The following AXDND1 variants were observed in gnomAD, a reference collection of about 807,000 sequenced individuals.
AXDND1 encodes axonemal dynein light chain domain containing 1.
A neutral mutation model predicts 137.5 loss-of-function variants in AXDND1; 110 were observed. That is an observed-to-expected ratio of 0.80 (90% CI 0.69 to 0.94). The LOEUF is 0.94. Among genes scored for constraint, AXDND1 ranks in the 40% least tolerant of loss-of-function variants. The pLI is 0.00. For missense variants in AXDND1, 1,191 were observed against 1,169.8 expected (o/e 1.02, Z -0.26); for synonymous variants, 414 against 399.7 (o/e 1.04, Z -0.43).
chr1:179,420,721 C>G (rs970534442), intron 12 of AXDND1, among the ~76,000 whole-genome samples: 24 of 151,366 alleles, frequency 1.6e-4, no homozygotes, highest in African/African-American at 5.8e-4. Flanking sequence ...TTCCCAGGTT[C>G]AAGCAATTCT....
intron 17 of AXDND1, among the ~76,000 whole-genome samples, chr1:179,480,357 G>A (rs1055734084): frequency 2.6e-5 from 4 of 152,124 alleles, no homozygotes; most frequent in Admixed American, 2.0e-4. Context: ...AGTGAAAGGG[G>A]TTCCCCTTAT....
chr1:179,472,458 G>T (rs1413971511), intron 17 of AXDND1, among the ~76,000 whole-genome samples: 1 of 152,168 alleles, frequency 6.6e-6, no homozygotes, highest in African/African-American at 2.4e-5. Context: ...CACTTGAGAA[G>T]AATGTATATT....
chr1:179,389,869 T>C (rs1244938154), intron 9 of AXDND1, among the ~76,000 whole-genome samples: 2 of 152,198 alleles, frequency 1.3e-5, no homozygotes, highest in African/African-American at 2.4e-5. Context: ...ATGAGCTGCA[T>C]CTTGAGGTGA....
Position 179,393,909 on chromosome 1 carries a change from G to A in AXDND1, c.870G>A (p.Arg290=). The A allele has an allele frequency of 6.3e-7, 1 of 1,599,474 alleles. No individual in the cohort carries two copies. The highest frequency in any genetic ancestry group is 8.5e-7 in the Non-Finnish European group (1 of 1,175,196). ...RGELLSKVRE[R]YVQMLDQIAR... ...TTGGTTGTTTGTCATGCAGAGAGAGGTATGTGCAAATGCTTGACCAGATTG... is the reference window on the plus strand; with the variant it reads ...TTGGTTGTTTGTCATGCAGAGAGAGATATGTGCAAATGCTTGACCAGATTG... Residue 290 remains arginine (R), a synonymous_variant, in exon 10 of 26, where the codon AGG becomes AGA. Transcript: ENST00000367618.
intron 11 of AXDND1, among the ~76,000 whole-genome samples, chr1:179,403,071 C>T (rs1352388322): frequency 6.6e-6 from 1 of 152,162 alleles, no homozygotes; most frequent in Non-Finnish European, 1.5e-5. Context: ...GTCCCCAGAA[C>T]TTAATCACTA....
intron 15 of AXDND1, among the ~76,000 whole-genome samples, chr1:179,432,725 C>T (rs1338546918): frequency 6.6e-6 from 1 of 152,062 alleles, no homozygotes; most frequent in Non-Finnish European, 1.5e-5. Flanking sequence ...CATGCCCGAC[C>T]ACATCTCATT....
intron 12 of AXDND1, among the ~76,000 whole-genome samples, chr1:179,421,642 C>G (rs151023695): frequency 0.011 from 1,663 of 151,770 alleles, 24 homozygotes; most frequent in African/African-American, 0.036. Context: ...CCTCGGCCTG[C>G]AAAAGTTGGG....
chr1:179,531,096 G>T (rs1016418067), intron 23 of AXDND1, among the ~76,000 whole-genome samples: 1 of 152,102 alleles, frequency 6.6e-6, no homozygotes, highest in African/African-American at 2.4e-5. Context: ...TGCAATCATG[G>T]GGTATGGAAA....
intron 15 of AXDND1, among the ~76,000 whole-genome samples, chr1:179,441,882 G>A (rs957487377): frequency 5.3e-5 from 8 of 152,176 alleles, no homozygotes; most frequent in African/African-American, 1.7e-4. Context: ...TCAGATATGC[G>A]CTAGCAGACA....
chr1:179,553,214 T>C (rs1478921712), intron 25 of AXDND1, among the ~76,000 whole-genome samples: 1 of 152,210 alleles, frequency 6.6e-6, no homozygotes, highest in Non-Finnish European at 1.5e-5. Context: ...CCTCAAAAAG[T>C]TAAATACGGA....
rs1571882821 is a variant in AXDND1 at position 179,449,988 on chromosome 1, A to ATTCTTTTTT, written c.1798+4786_1798+4787insCTTTTTTTT. The ATTCTTTTTT allele has an allele frequency of 7.6e-4, 50 of 65,362 alleles. 10 individuals carry two copies. Among genetic ancestry groups the ATTCTTTTTT allele is most frequent in the Admixed American group, 8.0e-4 (4 of 4,976 alleles). 4.0% of individuals were successfully genotyped at this position (65,362 alleles called of 1,614,324 possible). On this transcript the variant is annotated intron_variant, in intron 16 of 25. Coordinates refer to ENST00000367618, the MANE Select transcript of AXDND1 (RefSeq NM_144696.6). Reference sequence around the variant, plus strand: ...TTTTACTAGTTTCTTGCCAATCTGGATTTTTTTTTTTTTTTTTTTTTTTTT... The same window carrying ATTCTTTTTT: ...TTTTACTAGTTTCTTGCCAATCTGGATTCTTTTTTTTTTTTTTTTTTTTTTTTTTTTTTT...
intron 11 of AXDND1, among the ~76,000 whole-genome samples, chr1:179,409,770 G>A (rs987212421): frequency 3.9e-5 from 6 of 152,122 alleles, no homozygotes; most frequent in African/African-American, 1.4e-4. Flanking sequence ...CCGAGATTGT[G>A]CCATTGCACT....
chr1:179,459,936 CT>C, intron 16 of AXDND1, among the ~76,000 whole-genome samples: 1 of 99,404 alleles, frequency 1.0e-5, no homozygotes, highest in Non-Finnish European at 1.9e-5. Context: ...TTCCTTCCTT[CT>C]CTCTCTCTTT....
Position 179,378,668 on chromosome 1 carries a change from G to A in AXDND1, c.406G>A (p.Ala136Thr), listed in dbSNP as rs1231138225. Residue 136 changes from alanine (A) to threonine (T), a missense_variant, in exon 5 of 26, where the codon GCC becomes ACC. Physicochemically the swap from Ala to Thr is moderately conservative, Grantham distance 58. Coordinates refer to ENST00000367618, the MANE Select transcript of AXDND1 (RefSeq NM_144696.6). ...TTCTTTTCTGTACGATGTAACATATGCCAAAGGACAGACTAGGGAGAAGGC... is the reference window on the plus strand; with the variant it reads ...TTCTTTTCTGTACGATGTAACATATACCAAAGGACAGACTAGGGAGAAGGC... ...DISFLYDVTY[A>T]KGQTREKAVC... The A allele has an allele frequency of 3.1e-6, 5 of 1,593,182 alleles. 1 individual carries two copies. The South Asian group carries it at 4.6e-5, about 15-fold the overall frequency.
intron 18 of AXDND1, among the ~76,000 whole-genome samples, chr1:179,488,765 C>T (rs1343128158): frequency 5.0e-5 from 7 of 140,076 alleles, no homozygotes; most frequent in East Asian, 2.0e-4. Context: ...AATGGAGTCT[C>T]GCTCTGTCAC....
intron 12 of AXDND1, among the ~76,000 whole-genome samples, chr1:179,421,986 G>A (rs1043005093): frequency 2.3e-4 from 35 of 149,642 alleles, no homozygotes; most frequent in Non-Finnish European, 3.5e-4. Flanking sequence ...GTTGCGGTGA[G>A]CCAAGATTGT....
chr1:179,465,413 A>G (rs1662982415), intron 16 of AXDND1, among the ~76,000 whole-genome samples: 1 of 152,204 alleles, frequency 6.6e-6, no homozygotes, highest in Non-Finnish European at 1.5e-5. Context: ...CCTGGGTATC[A>G]CCAGCGGAGG....
At chr1:179,406,718 T>C (rs1295060264) in intron 11 of AXDND1, among the ~76,000 whole-genome samples, 1 of 152,158 alleles carries the variant, frequency 6.6e-6, no homozygotes, top group East Asian at 1.9e-4. Context: ...TCTTTTTCCA[T>C]CTCTTCACTT....
intron 9 of AXDND1, among the ~76,000 whole-genome samples, chr1:179,389,866 G>C (rs1649866006): frequency 6.6e-6 from 1 of 152,122 alleles, no homozygotes; most frequent in African/African-American, 2.4e-5. Context: ...TATATGAGCT[G>C]CATCTTGAGG....
Sources: allele counts gnomAD v4.1 joint callset (sites outside exome capture counted in the v4.1 genomes callset), GRCh38; gene constraint gnomAD v4.1.1; transcripts MANE v1.5; gene names NCBI Gene and HGNC (gene_info 2026-07-23, HGNC 2026-07-21).